Variants in QTMAN observed in about 807,000 individuals in gnomAD.
QTMAN encodes tRNA-queuosine alpha-mannosyltransferase.
the QTMAN span, among the ~76,000 whole-genome samples, chr2:143,965,674 C>G: frequency 2.0e-5 from 3 of 152,174 alleles, no homozygotes; most frequent in African/African-American, 4.8e-5. Flanking sequence ...TGGCCTCTAC[C>G]TACTAGACGC....
At chr2:143,943,198 C>G in the QTMAN span, 1 of 152,032 alleles carries the variant, frequency 6.6e-6, no homozygotes, top group Non-Finnish European at 1.5e-5. Context: ...GAATTGCTCG[C>G]ATGTTTTTCA....
chr2:144,006,150 A>T, the QTMAN span: 1 of 152,148 alleles, frequency 6.6e-6, no homozygotes, highest in African/African-American at 2.4e-5. Flanking sequence ...CTATGCTGGA[A>T]GTATGAAGTT....
chr2:144,082,013 G>A, the QTMAN span, among the ~76,000 whole-genome samples: 4 of 151,908 alleles, frequency 2.6e-5, no homozygotes, highest in African/African-American at 4.8e-5. Flanking sequence ...TCAGCCTCCC[G>A]AGTACCTGGA....
At chr2:144,070,875 A>C in the QTMAN span, among the ~76,000 whole-genome samples, 1 of 152,164 alleles carries the variant, frequency 6.6e-6, no homozygotes, top group Non-Finnish European at 1.5e-5. Flanking sequence ...TCTTGTAGGA[A>C]TATGTCACAA....
chr2:144,191,329 A>C, the QTMAN span, among the ~76,000 whole-genome samples: 5 of 152,250 alleles, frequency 3.3e-5, no homozygotes, highest in Non-Finnish European at 7.3e-5. Context: ...TACTAAAATA[A>C]AGCATACTAT....
At chr2:143,939,017 C>T in the QTMAN span, 1 of 152,308 alleles carries the variant, frequency 6.6e-6, no homozygotes, top group East Asian at 1.9e-4. Flanking sequence ...AGCAGATTAA[C>T]AAAATGATGT....
At chr2:144,280,980 C>T in the QTMAN span, among the ~76,000 whole-genome samples, 1 of 151,472 alleles carries the variant, frequency 6.6e-6, no homozygotes, top group Non-Finnish European at 1.5e-5. Flanking sequence ...CATACGTATA[C>T]ATGTGCCATG....
chr2:144,051,039 G>A, the QTMAN span, among the ~76,000 whole-genome samples: 5 of 152,098 alleles, frequency 3.3e-5, no homozygotes, highest in South Asian at 1.0e-3. Flanking sequence ...TTTGTTAGAA[G>A]CTGCCTAGTT....
chr2:144,117,526 T>C, the QTMAN span, among the ~76,000 whole-genome samples: 9 of 152,200 alleles, frequency 5.9e-5, no homozygotes, highest in East Asian at 1.2e-3. Context: ...TCTAAGCACA[T>C]TAAGTTTCTA....
chr2:143,973,222 G>A, the QTMAN span, among the ~76,000 whole-genome samples: 1 of 152,042 alleles, frequency 6.6e-6, no homozygotes, highest in Non-Finnish European at 1.5e-5. Context: ...CAGATGACAG[G>A]TAGTGAAAAC....
At chr2:144,266,772 T>A in the QTMAN span, among the ~76,000 whole-genome samples, 1 of 152,234 alleles carries the variant, frequency 6.6e-6, no homozygotes, top group African/African-American at 2.4e-5. Context: ...TCGGTACATA[T>A]GTCCCCATCT....
the QTMAN span, among the ~76,000 whole-genome samples, chr2:144,053,549 T>C: frequency 1.3e-5 from 2 of 152,226 alleles, no homozygotes; most frequent in African/African-American, 4.8e-5. Flanking sequence ...TCTACCTGAA[T>C]GAAGCATCAG....
At chr2:144,036,811 T>C in the QTMAN span, among the ~76,000 whole-genome samples, 2 of 152,268 alleles carry the variant, frequency 1.3e-5, no homozygotes, top group East Asian at 3.9e-4. Context: ...GCAACAGGAA[T>C]TTTTTTGGGG....
At chr2:144,314,603 C>G in the QTMAN span, among the ~76,000 whole-genome samples, 2 of 152,148 alleles carry the variant, frequency 1.3e-5, no homozygotes, top group African/African-American at 4.8e-5. Flanking sequence ...ATCCCAGCTA[C>G]TCAGGAGGCT....
At chr2:144,061,976 T>A in the QTMAN span, among the ~76,000 whole-genome samples, 1 of 152,164 alleles carries the variant, frequency 6.6e-6, no homozygotes, top group African/African-American at 2.4e-5. Flanking sequence ...CAGCTTTCCA[T>A]CCTGCTGAGA....
the QTMAN span, among the ~76,000 whole-genome samples, chr2:144,281,850 AT>A: frequency 1.5e-4 from 22 of 151,654 alleles, no homozygotes; most frequent in Non-Finnish European, 2.4e-4. Flanking sequence ...TCAGAAAATA[AT>A]TTTTTTTTCT....
chr2:144,262,916 GA>G, the QTMAN span, among the ~76,000 whole-genome samples: 1 of 93,588 alleles, frequency 1.1e-5, no homozygotes, highest in Non-Finnish European at 2.2e-5. Context: ...GATGGGAGGA[GA>G]GGGGAGAGGG....
the QTMAN span, among the ~76,000 whole-genome samples, chr2:144,089,061 C>T: frequency 6.6e-5 from 10 of 152,024 alleles, 1 homozygote; most frequent in Admixed American, 5.9e-4. Flanking sequence ...GCAACCTATT[C>T]ATCTGACAGG....
chr2:144,060,547 C>T, the QTMAN span, among the ~76,000 whole-genome samples: 2 of 152,200 alleles, frequency 1.3e-5, no homozygotes, highest in East Asian at 3.9e-4. Flanking sequence ...AGGTGTGAGA[C>T]ATCGTGCCCA....
Sources: gnomAD v4.1 joint callset for allele counts (sites outside exome capture counted in the v4.1 genomes callset) on GRCh38, gnomAD v4.1.1 for gene constraint, MANE v1.5 for transcripts, NCBI Gene and HGNC (gene_info 2026-07-23, HGNC 2026-07-21) for gene names.